NKAIN2: variants seen among roughly 807,000 people sequenced by gnomAD.
NKAIN2 encodes sodium/potassium transporting ATPase interacting 2.
A neutral mutation model predicts 32.6 loss-of-function variants in NKAIN2; 14 were observed. The ratio of observed to expected loss-of-function variants is 0.43; its 90% confidence interval spans 0.28 to 0.67. The LOEUF (loss-of-function observed/expected upper bound fraction) is 0.67, where lower values mean the gene tolerates loss of function less well. Ranked by LOEUF, NKAIN2 falls within the 30% of genes least tolerant of loss-of-function variation. The pLI is 0.17. For missense variants in NKAIN2, 198 were observed against 258.3 expected (o/e 0.77, Z 1.60); for synonymous variants, 80 against 87.2 (o/e 0.92, Z 0.46).
At chr6:124,736,610 G>T (rs1039182237) in intron 4 of NKAIN2, among the ~76,000 whole-genome samples, 1 of 151,900 alleles carries the variant, frequency 6.6e-6, no homozygotes. Flanking sequence ...AAGTCCTAAG[G>T]ACCTCAAGAA....
chr6:124,123,268 C>G (rs541091007), intron 1 of NKAIN2, among the ~76,000 whole-genome samples: 1 of 151,860 alleles, frequency 6.6e-6, no homozygotes, highest in East Asian at 1.9e-4. Flanking sequence ...GAAGACAGCT[C>G]TAATAGGCTC....
In NKAIN2 at chr6:123,998,743, C is replaced by CTGTG. The variant is rs34410164; in HGVS notation, c.54+194520_54+194523dup. Among the ~76,000 whole-genome samples the CTGTG allele has an allele frequency of 4.8e-3, 647 of 134,212 alleles. 4 individuals carry two copies. The highest frequency in any genetic ancestry group is 0.013 in the African/African-American group (448 of 34,606). 88.0% of individuals were successfully genotyped at this position (134,212 alleles called of 152,430 possible). ...GAAATTGTTGTTTCTCTCTCTCTCTCTGTGTGTGTGTGTGTGTGTGTGTGT... is the reference window on the plus strand; with the variant it reads ...GAAATTGTTGTTTCTCTCTCTCTCTCTGTGTGTGTGTGTGTGTGTGTGTGTGTGT... On this transcript the variant is annotated intron_variant, in intron 1 of 6. Coordinates refer to ENST00000368417, the MANE Select transcript of NKAIN2 (RefSeq NM_001040214.3).
intron 3 of NKAIN2, among the ~76,000 whole-genome samples, chr6:124,386,509 A>G (rs1201563498): frequency 6.6e-6 from 1 of 152,154 alleles, no homozygotes; most frequent in Non-Finnish European, 1.5e-5. Flanking sequence ...GTTTGAAGAA[A>G]TACTTCAGGA....
intron 3 of NKAIN2, among the ~76,000 whole-genome samples, chr6:124,527,327 A>G (rs1779357613): frequency 1.3e-5 from 2 of 152,182 alleles, no homozygotes; most frequent in Non-Finnish European, 2.9e-5. Flanking sequence ...ACCCCCTGCC[A>G]TTACGTTTTT....
chr6:124,724,118 A>C (rs1430662640), intron 4 of NKAIN2, among the ~76,000 whole-genome samples: 1 of 152,222 alleles, frequency 6.6e-6, no homozygotes, highest in Non-Finnish European at 1.5e-5. Context: ...CAAGGCAGCA[A>C]GGAAGAGTGG....
At chr6:124,790,499 T>TACCTTTAAGGA (rs1779700027) in intron 4 of NKAIN2, among the ~76,000 whole-genome samples, 1 of 152,122 alleles carries the variant, frequency 6.6e-6, no homozygotes, top group South Asian at 2.1e-4. Context: ...TTTGAGGACA[T>TACCTTTAAGGA]ACCTTTAAGG....
chr6:124,688,295 C>G (rs1330644105), intron 4 of NKAIN2, among the ~76,000 whole-genome samples: 2 of 151,858 alleles, frequency 1.3e-5, no homozygotes, highest in South Asian at 4.2e-4. Context: ...TTTTCTGATT[C>G]TCCCAGGCCT....
intron 1 of NKAIN2, among the ~76,000 whole-genome samples, chr6:123,859,530 C>A (rs192168724): frequency 2.6e-5 from 4 of 152,168 alleles, no homozygotes; most frequent in East Asian, 3.9e-4. Context: ...TGACAGATTT[C>A]TCTAAATCTT....
chr6:123,860,107 C>G (rs942404103), intron 1 of NKAIN2, among the ~76,000 whole-genome samples: 3 of 152,178 alleles, frequency 2.0e-5, no homozygotes, highest in Admixed American at 2.0e-4. Context: ...AGCACTTCTA[C>G]TTGAAGCACT....
intron 1 of NKAIN2, among the ~76,000 whole-genome samples, chr6:124,011,396 GTTC>G (rs1780317060): frequency 6.8e-6 from 1 of 147,734 alleles, no homozygotes; most frequent in Admixed American, 6.7e-5. Flanking sequence ...AGCAATTCCT[GTTC>G]TTTTTTTTTT....
chr6:123,820,780 T>C (rs969835611), intron 1 of NKAIN2, among the ~76,000 whole-genome samples: 1 of 152,232 alleles, frequency 6.6e-6, no homozygotes, highest in Non-Finnish European at 1.5e-5. Flanking sequence ...CATTTTGCTA[T>C]TTAGCCGTAC....
At position 124,121,785 on chromosome 6, in the gene NKAIN2, G is replaced by T. The variant is rs115030810; in HGVS notation, c.55-161220G>T. 7.1e-3 allele frequency: 1,804 copies of T among 253,636 alleles called. 29 individuals carry two copies. The highest frequency in any genetic ancestry group is 0.039 in the African/African-American group (1,708 of 43,974). The allele number at this position is 253,636 out of a possible 1,614,324, so 15.7% of individuals were successfully genotyped here. On this transcript the variant is annotated intron_variant, in intron 1 of 6. Coordinates refer to ENST00000368417, the MANE Select transcript of NKAIN2 (RefSeq NM_001040214.3). Reference sequence around the variant, plus strand: ...ATTTTAGAAGCTCTAAATTATGCGGGTCAAGTTCCAAGCCTTGTTGAATTA... The same window carrying T: ...ATTTTAGAAGCTCTAAATTATGCGGTTCAAGTTCCAAGCCTTGTTGAATTA...
intron 3 of NKAIN2, among the ~76,000 whole-genome samples, chr6:124,436,712 A>G (rs992787417): frequency 1.3e-5 from 2 of 152,132 alleles, no homozygotes; most frequent in Non-Finnish European, 2.9e-5. Context: ...AACCTGGTCC[A>G]GGCCACCAGG....
intron 3 of NKAIN2, among the ~76,000 whole-genome samples, chr6:124,560,269 A>T (rs888990807): frequency 1.8e-4 from 27 of 152,118 alleles, no homozygotes; most frequent in African/African-American, 5.6e-4. Flanking sequence ...TGGTTTTATA[A>T]GGGACTTTTC....
intron 1 of NKAIN2, among the ~76,000 whole-genome samples, chr6:123,880,710 TA>T (rs1270548422): frequency 6.6e-6 from 1 of 152,218 alleles, no homozygotes; most frequent in Non-Finnish European, 1.5e-5. Flanking sequence ...ATTGCTTATT[TA>T]ATGTATCTCA....
chr6:124,748,330 A>G (rs1337862), intron 4 of NKAIN2, among the ~76,000 whole-genome samples: 64,181 of 151,878 alleles, frequency 0.42, 14,252 homozygotes, highest in Non-Finnish European at 0.51. Flanking sequence ...GTATTTATTG[A>G]ATGAATAAGT....
intron 3 of NKAIN2, among the ~76,000 whole-genome samples, chr6:124,579,546 A>G (rs989806828): frequency 6.6e-6 from 1 of 152,226 alleles, no homozygotes; most frequent in East Asian, 1.9e-4. Context: ...GAAAATACAC[A>G]GAGCAGACAA....
chr6:124,516,485 T>G (rs2114785773), intron 3 of NKAIN2, among the ~76,000 whole-genome samples: 2 of 152,304 alleles, frequency 1.3e-5, no homozygotes, highest in East Asian at 3.9e-4. Context: ...ATAGGTGTTT[T>G]TAGTTAATTA....
chr6:124,309,178 G>C (rs907597316), intron 2 of NKAIN2, among the ~76,000 whole-genome samples: 13 of 152,068 alleles, frequency 8.5e-5, no homozygotes, highest in Admixed American at 6.6e-4. Flanking sequence ...GGGAATTTGG[G>C]AGTCCTCAAA....
Sources: allele counts gnomAD v4.1 joint callset (sites outside exome capture counted in the v4.1 genomes callset), GRCh38; gene constraint gnomAD v4.1.1; transcripts MANE v1.5; gene names NCBI Gene and HGNC (gene_info 2026-07-23, HGNC 2026-07-21).